Variants in RNF220 observed in about 807,000 individuals in gnomAD.
The protein encoded by RNF220 is E3 ubiquitin-protein ligase RNF220.
Under a neutral mutation model 67.1 loss-of-function variants are expected in RNF220, and 7 were observed. That is an observed-to-expected ratio of 0.10 (90% CI 0.06 to 0.20). The LOEUF is 0.20. Among genes scored for constraint, RNF220 ranks in the 10% least tolerant of loss-of-function variants. The pLI, the probability that RNF220 is intolerant of heterozygous loss-of-function variation, is 1.00. For missense variants in RNF220, 565 were observed against 740.3 expected (o/e 0.76, Z 2.75); for synonymous variants, 270 against 283.2 (o/e 0.95, Z 0.47).
chr1:44,535,221 A>G (rs272562), intron 2 of RNF220, among the ~76,000 whole-genome samples: 79,855 of 148,962 alleles, frequency 0.54, 21,847 homozygotes, highest in Admixed American at 0.61. Context: ...GCTCACCGCA[A>G]CCTCTGCCTC....
At position 44,588,906 on chromosome 1, in the gene RNF220, G is replaced by A. The variant is rs529371249; in HGVS notation, c.626-25259G>A. Among the ~76,000 whole-genome samples the A allele has an allele frequency of 4.6e-5, 7 of 152,334 alleles. No individual in the cohort carries two copies. In the East Asian group the frequency reaches 1.2e-3, roughly 25 times the overall value. Reference sequence around the variant, plus strand: ...GACTCTGCCATCTCAGGCCTCTCCTGCCATGAAGTACTTCTCCACCAACCC... The same window carrying A: ...GACTCTGCCATCTCAGGCCTCTCCTACCATGAAGTACTTCTCCACCAACCC... On this transcript the variant is annotated intron_variant, in intron 2 of 14. Coordinates refer to ENST00000361799, the MANE Select transcript of RNF220 (RefSeq NM_018150.4).
intron 8 of RNF220, among the ~76,000 whole-genome samples, chr1:44,639,694 G>A (rs961964067): frequency 7.9e-5 from 12 of 152,218 alleles, no homozygotes; most frequent in African/African-American, 2.4e-4. Flanking sequence ...CATTTAAGCC[G>A]GTTCCAAGTA....
At chr1:44,612,252 T>C (rs1643343567) in intron 2 of RNF220, among the ~76,000 whole-genome samples, 1 of 152,224 alleles carries the variant, frequency 6.6e-6, no homozygotes, top group Non-Finnish European at 1.5e-5. Context: ...TTCTCCCCCT[T>C]TCTCTTTTCC....
intron 2 of RNF220, among the ~76,000 whole-genome samples, chr1:44,581,939 T>C (rs1377311797): frequency 1.3e-5 from 2 of 152,194 alleles, no homozygotes; most frequent in Admixed American, 6.5e-5. Flanking sequence ...CTGGTGTCAA[T>C]GTGGCCAAGG....
intron 2 of RNF220, among the ~76,000 whole-genome samples, chr1:44,567,450 G>C (rs1354022177): frequency 6.6e-6 from 1 of 152,008 alleles, no homozygotes; most frequent in African/African-American, 2.4e-5. Flanking sequence ...CCAGGGAAGG[G>C]GCTGAGCACT....
intron 2 of RNF220, among the ~76,000 whole-genome samples, chr1:44,546,680 A>G (rs1187020175): frequency 2.6e-5 from 4 of 152,076 alleles, no homozygotes; most frequent in Non-Finnish European, 5.9e-5. Flanking sequence ...TGATGCACCG[A>G]GCTCTGGCTC....
At chr1:44,556,772 G>A (rs560366249) in intron 2 of RNF220, among the ~76,000 whole-genome samples, 2 of 152,064 alleles carry the variant, frequency 1.3e-5, no homozygotes, top group African/African-American at 4.8e-5. Context: ...TGTTAGCCAG[G>A]ATGGTCTCAA....
chr1:44,525,655 C>T lies in RNF220; in HGVS notation c.626-88510C>T, dbSNP rs187468991. 1.7e-3 allele frequency among the ~76,000 whole-genome samples: 253 copies of T among 152,278 alleles called. 1 individual carries two copies. Among genetic ancestry groups the T allele is most frequent in the African/African-American group, 5.8e-3 (241 of 41,550 alleles). On this transcript the variant is annotated intron_variant, in intron 2 of 14. Transcript: ENST00000361799. The stretch of plus-strand genomic sequence containing the variant: ...TGTCACTGTCATCTGCTGATGACAT[C>T]TCCCCTCTATTCAGCAGGAACGTTG...
intron 2 of RNF220, among the ~76,000 whole-genome samples, chr1:44,563,907 C>T (rs1387263894): frequency 6.6e-6 from 1 of 152,196 alleles, no homozygotes; most frequent in African/African-American, 2.4e-5. Context: ...ACATCTCTTA[C>T]ATCTCTATCT....
intron 6 of RNF220, chr1:44,632,624 G>C: frequency 3.4e-6 from 2 of 585,156 alleles, no homozygotes; most frequent in Non-Finnish European, 3.1e-6. Flanking sequence ...GAAGAACCCT[G>C]GGGGGGCAAT....
chr1:44,573,889 G>C (rs984055185), intron 2 of RNF220, among the ~76,000 whole-genome samples: 1 of 152,182 alleles, frequency 6.6e-6, no homozygotes, highest in Non-Finnish European at 1.5e-5. Flanking sequence ...CAAGGTGGGT[G>C]GATTGCTTGA....
intron 2 of RNF220, among the ~76,000 whole-genome samples, chr1:44,571,177 T>C (rs1664416423): frequency 6.6e-6 from 1 of 152,142 alleles, no homozygotes; most frequent in Non-Finnish European, 1.5e-5. Context: ...CTTCCCAACC[T>C]ACAAGACCCT....
At position 44,650,779 on chromosome 1, in the gene RNF220, A is replaced by G. The variant is rs372493785; in HGVS notation, c.*4A>G. The G allele has an allele frequency of 6.3e-5, 102 of 1,613,190 alleles. No homozygotes were observed. Among genetic ancestry groups the G allele is most frequent in the Non-Finnish European group, 8.4e-5 (99 of 1,179,914 alleles). ...CCTGCGGAGGATCTACTTGTGAGCT[A>G]TCTGCCCCAGGCAGGCCTCGCCTCC... On this transcript the variant is annotated 3_prime_UTR_variant, in exon 15 of 15. Transcript: ENST00000361799. This position sits in a 1 kb window ranked among gnomAD's most constrained non-coding sequence, Gnocchi z 4.3.
intron 3 of RNF220, among the ~76,000 whole-genome samples, chr1:44,619,849 A>G (rs1276666687): frequency 1.3e-5 from 2 of 152,142 alleles, no homozygotes; most frequent in African/African-American, 4.8e-5. Flanking sequence ...GGAGGTAATC[A>G]GGTTGTTGGA....
chr1:44,527,541 T>G (rs898689587), intron 2 of RNF220, among the ~76,000 whole-genome samples: 6 of 152,106 alleles, frequency 3.9e-5, no homozygotes, highest in East Asian at 3.8e-4. Flanking sequence ...GAGAATCGCT[T>G]AAGTCCAGGA....
At position 44,562,755 on chromosome 1, in the gene RNF220, T is replaced by G. The variant is rs562365795; in HGVS notation, c.626-51410T>G. On this transcript the variant is annotated intron_variant, in intron 2 of 14. Transcript: ENST00000361799. ...TCGAGGGCTCTTTGGAAATTGTCACTGGGAAGGCTGGAGCCGTTTTCACTG... is the reference window on the plus strand; with the variant it reads ...TCGAGGGCTCTTTGGAAATTGTCACGGGGAAGGCTGGAGCCGTTTTCACTG... Among the ~76,000 whole-genome samples the G allele has an allele frequency of 4.4e-4, 67 of 152,260 alleles. 1 individual carries two copies. In the South Asian group the frequency reaches 0.014, roughly 31 times the overall value.
chr1:44,420,651 G>A (rs1649107663), intron 2 of RNF220, among the ~76,000 whole-genome samples: 1 of 152,148 alleles, frequency 6.6e-6, no homozygotes, highest in African/African-American at 2.4e-5. Context: ...ATGTAACATA[G>A]TCACTATGAG....
chr1:44,519,947 A>G (rs1159521628), intron 2 of RNF220, among the ~76,000 whole-genome samples: 2 of 152,264 alleles, frequency 1.3e-5, no homozygotes, highest in East Asian at 3.9e-4. Context: ...TCAGATCCAT[A>G]TATTAGAAAG....
intron 5 of RNF220, chr1:44,631,979 G>GGCCGCC (rs930456088): frequency 1.0e-6 from 1 of 1,001,620 alleles, no homozygotes; most frequent in Non-Finnish European, 1.2e-6. Flanking sequence ...GGGCCAACAT[G>GGCCGCC]GCCGCCGCCG....
Sources: gnomAD v4.1 joint callset for allele counts (sites outside exome capture counted in the v4.1 genomes callset) on GRCh38, gnomAD v4.1.1 for gene constraint, Gnocchi (gnomAD v3.1) non-coding constraint, MANE v1.5 for transcripts, NCBI Gene and HGNC (gene_info 2026-07-23, HGNC 2026-07-21) for gene names.